The following DNAH11 variants were observed in gnomAD, a reference collection of about 807,000 sequenced individuals.
DNAH11 encodes dynein axonemal heavy chain 11.
Under a neutral mutation model 526.0 loss-of-function variants are expected in DNAH11, and 442 were observed. The ratio of observed to expected loss-of-function variants is 0.84; its 90% CI spans 0.78 to 0.91. The LOEUF (loss-of-function observed/expected upper bound fraction) is 0.91. Ranked by LOEUF, DNAH11 falls within the 40% of genes least tolerant of loss-of-function variation. The pLI, the probability that DNAH11 is intolerant of heterozygous loss-of-function variation, is 0.00. For synonymous variants in DNAH11, 2,461 were observed against 1,935.9 expected (o/e 1.27, Z -7.12); for missense variants, 6,989 against 5,448.7 (o/e 1.28, Z -8.90).
intron 2 of DNAH11, among the ~76,000 whole-genome samples, chr7:21,550,444 C>G (rs1008299353): frequency 6.6e-6 from 1 of 152,206 alleles, no homozygotes; most frequent in Non-Finnish European, 1.5e-5. Flanking sequence ...AGGGAGATGT[C>G]TAGCTGTGCC....
chr7:21,648,256 A>G (rs564259466), intron 28 of DNAH11, among the ~76,000 whole-genome samples: 2 of 152,246 alleles, frequency 1.3e-5, no homozygotes, highest in East Asian at 1.9e-4. Flanking sequence ...GTAACGTACA[A>G]TAATGTAAAA....
At chr7:21,877,874 C>CA (rs59694030) in intron 74 of DNAH11, among the ~76,000 whole-genome samples, 1,700 of 65,634 alleles carry the variant, frequency 0.026, 47 homozygotes, top group East Asian at 0.055. Flanking sequence ...GACTCCATCT[C>CA]AAAAAAAAAA....
intron 54 of DNAH11, among the ~76,000 whole-genome samples, chr7:21,758,938 C>G (rs1374987559): frequency 1.3e-5 from 2 of 152,166 alleles, no homozygotes; most frequent in Non-Finnish European, 2.9e-5. Flanking sequence ...AACAGAGCAG[C>G]GCTGATCAGA....
chr7:21,821,848 C>T (rs1236991734), intron 65 of DNAH11, among the ~76,000 whole-genome samples: 1 of 152,120 alleles, frequency 6.6e-6, no homozygotes, highest in South Asian at 2.1e-4. Context: ...TTTTCCTTAT[C>T]TTCCACCTCC....
chr7:21,702,167 A>T (rs1455475655), intron 36 of DNAH11, among the ~76,000 whole-genome samples: 2 of 152,200 alleles, frequency 1.3e-5, no homozygotes, highest in Non-Finnish European at 2.9e-5. Flanking sequence ...AGGAGTCTTC[A>T]TTAGGGATAA....
intron 66 of DNAH11, among the ~76,000 whole-genome samples, chr7:21,849,046 C>T (rs767120487): frequency 2.0e-5 from 3 of 152,100 alleles, no homozygotes; most frequent in Non-Finnish European, 2.9e-5. Flanking sequence ...CCGCCATGCC[C>T]AGCTAATTTT....
chr7:21,574,059 T>G (rs537571664), intron 8 of DNAH11, among the ~76,000 whole-genome samples: 16 of 152,340 alleles, frequency 1.1e-4, no homozygotes, highest in African/African-American at 3.6e-4. Flanking sequence ...TAAAAATGGT[T>G]TTGGGTTTCT....
intron 51 of DNAH11, among the ~76,000 whole-genome samples, chr7:21,747,142 A>C (rs1282600111): frequency 6.6e-6 from 1 of 152,222 alleles, no homozygotes; most frequent in East Asian, 1.9e-4. Flanking sequence ...AGCATACATT[A>C]AAATGAAATG....
chr7:21,593,975 ACT>A (rs1298582688), intron 14 of DNAH11, among the ~76,000 whole-genome samples: 4 of 150,182 alleles, frequency 2.7e-5, no homozygotes, highest in Non-Finnish European at 3.0e-5. Flanking sequence ...TATGTCACAT[ACT>A]CTCACACACA....
intron 65 of DNAH11, among the ~76,000 whole-genome samples, chr7:21,835,982 A>G (rs1451562269): frequency 6.6e-6 from 1 of 152,084 alleles, no homozygotes; most frequent in Admixed American, 6.5e-5. Flanking sequence ...CTGAAAATTC[A>G]AGAAAGCAAT....
chr7:21,726,206 A>T (rs1234137655), intron 45 of DNAH11, among the ~76,000 whole-genome samples: 1 of 152,128 alleles, frequency 6.6e-6, no homozygotes, highest in Non-Finnish European at 1.5e-5. Flanking sequence ...GGGAAACAAG[A>T]GAGAGTGAGG....
intron 74 of DNAH11, among the ~76,000 whole-genome samples, chr7:21,876,097 G>T (rs1377374681): frequency 6.6e-6 from 1 of 152,016 alleles, no homozygotes; most frequent in Non-Finnish European, 1.5e-5. Context: ...TGTTAGCCAG[G>T]ATGGTCTTGA....
intron 54 of DNAH11, among the ~76,000 whole-genome samples, chr7:21,755,482 A>T (rs558168734): frequency 2.0e-5 from 3 of 152,238 alleles, no homozygotes; most frequent in African/African-American, 7.2e-5. Flanking sequence ...AAGATTTTAG[A>T]TATTTGCCTC....
At chr7:21,635,779 A>G (rs1786833935) in intron 25 of DNAH11, 92 bp from the exon 26 acceptor site, 1 of 1,043,490 alleles carries the variant, frequency 9.6e-7, no homozygotes, top group Admixed American at 2.9e-5. Context: ...CTAAGAATCC[A>G]GCAATAAACA....
chr7:21,775,971 G>T (rs1321315197), intron 56 of DNAH11, among the ~76,000 whole-genome samples: 1 of 152,180 alleles, frequency 6.6e-6, no homozygotes, highest in African/African-American at 2.4e-5. Flanking sequence ...ATACTTAAAG[G>T]TTGTGAGCTA....
intron 65 of DNAH11, among the ~76,000 whole-genome samples, chr7:21,840,038 A>G (rs573341334): frequency 6.6e-6 from 1 of 152,362 alleles, no homozygotes; most frequent in Non-Finnish European, 1.5e-5. Context: ...TAACACAGCC[A>G]GTGGTTCAGA....
chr7:21,798,249 C>T (rs1043153682), intron 61 of DNAH11, among the ~76,000 whole-genome samples: 2 of 152,166 alleles, frequency 1.3e-5, no homozygotes, highest in Admixed American at 6.5e-5. Context: ...CTTGTGCCAC[C>T]ATGCCCGGCT....
Position 21,745,022 on chromosome 7 carries a change from T to G in DNAH11, c.8469T>G (p.Ala2823=). 3 of 1,610,096 alleles carry G rather than the reference T, an allele frequency of 1.9e-6. No homozygotes were observed. The highest frequency in any genetic ancestry group is 2.5e-6 in the Non-Finnish European group (3 of 1,178,166). The change falls in exon 51 of 82, where the codon GCT becomes GCG. Residue 2823 remains alanine, a synonymous_variant. Coordinates refer to ENST00000409508, the MANE Select transcript of DNAH11 (RefSeq NM_001277115.2). The part of the protein sequence containing the change: ...ETLDNYNELN[A]AMHLVLFEDA... ...TAGACAACTACAATGAACTAAATGC[T>G]GCCATGCACCTAGTTTTGTTTGAAG...
intron 54 of DNAH11, among the ~76,000 whole-genome samples, chr7:21,759,127 G>T: frequency 6.6e-6 from 1 of 152,288 alleles, no homozygotes; most frequent in Admixed American, 6.5e-5. Context: ...CAGCTGAGAC[G>T]AGGGCTCTGC....
Sources: allele counts gnomAD v4.1 joint callset (sites outside exome capture counted in the v4.1 genomes callset), GRCh38; gene constraint gnomAD v4.1.1; transcripts MANE v1.5; gene names NCBI Gene and HGNC (gene_info 2026-07-23, HGNC 2026-07-21).